The following MICAL2 variants were observed in gnomAD, a reference collection of about 807,000 sequenced individuals.
The protein encoded by MICAL2 is microtubule associated monooxygenase, calponin and LIM domain containing 2.
Under a neutral mutation model 127.3 loss-of-function variants are expected in MICAL2, and 77 were observed. The ratio of observed to expected loss-of-function variants is 0.60; its 90% CI spans 0.50 to 0.73. The LOEUF (loss-of-function observed/expected upper bound fraction) is 0.73. Among genes scored for constraint, MICAL2 ranks in the 30% least tolerant of loss-of-function variants. MICAL2 has a pLI of 0.00. For missense variants in MICAL2, 1,351 were observed against 1,434.4 expected, an observed-to-expected ratio of 0.94 and a Z score of 0.94; for synonymous variants, 570 against 551.1, an observed-to-expected ratio of 1.03 and a Z score of -0.48.
chr11:12,139,764 G>A (rs1852172746), intron 2 of MICAL2, among the ~76,000 whole-genome samples: 1 of 152,366 alleles, frequency 6.6e-6, no homozygotes, highest in South Asian at 2.1e-4. Context: ...CCACAGAGGA[G>A]GGTCAGGCAA....
intron 32 of MICAL2, among the ~76,000 whole-genome samples, chr11:12,342,310 T>C (rs1938879925): frequency 6.6e-6 from 1 of 152,246 alleles, no homozygotes; most frequent in Non-Finnish European, 1.5e-5. Flanking sequence ...GAGATGTGGA[T>C]AAGCAAACCA....
Position 12,268,948 on chromosome 11 carries a change from A to G in MICAL2, c.3335-7038A>G, listed in dbSNP as rs188560015. On this transcript the variant is annotated intron_variant, in intron 24 of 34. Transcript: ENST00000646065. ...CGGGAGGCGGAGCTTGCAGTGAGCCAAGATTGTGCCACTGCACTCCAGCCT... is the reference window on the plus strand; with the variant it reads ...CGGGAGGCGGAGCTTGCAGTGAGCCGAGATTGTGCCACTGCACTCCAGCCT... Among the ~76,000 whole-genome samples the G allele has an allele frequency of 5.3e-3, 810 of 152,234 alleles. 3 individuals are homozygous for G. Among genetic ancestry groups the G allele is most frequent in the African/African-American group, 0.013 (544 of 41,540 alleles).
intron 21 of MICAL2, among the ~76,000 whole-genome samples, chr11:12,244,351 G>A (rs951293288): frequency 6.6e-6 from 1 of 152,182 alleles, no homozygotes; most frequent in Non-Finnish European, 1.5e-5. Context: ...CATTAATCAG[G>A]GCCCACCGTA....
chr11:12,116,351 ATTTTTTTTTTTTTT>A (rs56280931), intron 1 of MICAL2, among the ~76,000 whole-genome samples: 1 of 107,738 alleles, frequency 9.3e-6, no homozygotes, highest in African/African-American at 3.9e-5. Context: ...CTTGATTTTG[ATTTTTTTTTTTTTT>A]TTTTTTTTTT....
intron 29 of MICAL2, among the ~76,000 whole-genome samples, chr11:12,309,880 G>A (rs1297900767): frequency 1.3e-5 from 2 of 152,088 alleles, no homozygotes; most frequent in African/African-American, 4.8e-5. Flanking sequence ...TCTAACTGGG[G>A]TGAGATGATA....
chr11:12,190,298 G>C (rs921819128), intron 3 of MICAL2, among the ~76,000 whole-genome samples: 4 of 152,038 alleles, frequency 2.6e-5, no homozygotes, highest in African/African-American at 9.7e-5. Flanking sequence ...GAAGAATCAG[G>C]GTTTTGGACT....
intron 21 of MICAL2, among the ~76,000 whole-genome samples, chr11:12,247,393 A>G (rs1045936100): frequency 1.3e-5 from 2 of 152,196 alleles, no homozygotes; most frequent in South Asian, 2.1e-4. Flanking sequence ...TAATTGGGCT[A>G]TTTCGACAGC....
chr11:12,124,225 C>T (rs565580970), intron 1 of MICAL2, among the ~76,000 whole-genome samples: 15 of 152,212 alleles, frequency 9.9e-5, no homozygotes, highest in African/African-American at 3.4e-4. Context: ...CCTTCCACAG[C>T]GTCACCCAAG....
chr11:12,260,296 A>G, intron 26 of MICAL2: 2 of 1,425,514 alleles, frequency 1.4e-6, no homozygotes. Context: ...CTCAAAGCCA[A>G]AGAATTTCAC....
At chr11:12,227,571 A>G (rs1371931602) in intron 15 of MICAL2, among the ~76,000 whole-genome samples, 1 of 152,200 alleles carries the variant, frequency 6.6e-6, no homozygotes, top group Non-Finnish European at 1.5e-5. Context: ...TCATTCAACA[A>G]ATATATATTG....
At chr11:12,203,524 C>A (rs1333743440) in intron 3 of MICAL2, among the ~76,000 whole-genome samples, 2 of 152,184 alleles carry the variant, frequency 1.3e-5, no homozygotes, top group Admixed American at 6.6e-5. Flanking sequence ...GGTTGAGCAT[C>A]TTTTCATGTA....
In MICAL2 at chr11:12,258,526, G is replaced by A. The variant is rs1460499875; in HGVS notation, c.3201G>A (p.Lys1067=). The part of the protein sequence containing the change: ...IHCKTNSKQR[K]RRAELKQQRE... The stretch of plus-strand genomic sequence containing the variant: ...GTAAAACCAATAGCAAACAACGGAA[G>A]AGACGGGCAGAGTTGAAGCAACAAA... The change falls in exon 25 of 28, where the codon AAG becomes AAA. Residue 1067 remains lysine, a synonymous_variant. Coordinates refer to ENST00000683283, the MANE Select transcript of MICAL2 (RefSeq NM_001282663.2). The A allele has an allele frequency of 6.2e-7, 1 of 1,613,992 alleles. No homozygotes were observed. Among genetic ancestry groups the A allele is most frequent in the Non-Finnish European group, 8.5e-7 (1 of 1,180,026 alleles).
intron 2 of MICAL2, among the ~76,000 whole-genome samples, chr11:12,157,056 G>T: frequency 6.6e-6 from 1 of 152,256 alleles, no homozygotes; most frequent in East Asian, 1.9e-4. Context: ...TGAGCCTCAA[G>T]GGTGGGTTGA....
chr11:12,314,765 T>C (rs6485650), intron 29 of MICAL2, among the ~76,000 whole-genome samples: 141,055 of 151,824 alleles, frequency 0.93, 65,570 homozygotes, highest in East Asian at 0.95. Context: ...GGATTACAGA[T>C]TTGAGTCACC....
intron 22 of MICAL2, among the ~76,000 whole-genome samples, chr11:12,251,577 TAAAAAAAAAAAAAAAAAA>T (rs536942703): frequency 1.1e-5 from 1 of 93,830 alleles, no homozygotes; most frequent in Non-Finnish European, 2.0e-5. Flanking sequence ...CATTTCACTT[TAAAAAAAAAAAAAAAAAA>T]AAAAAAAAAG....
Position 12,351,591 on chromosome 11 carries a change from G to T in MICAL2, c.5615+1654G>T, listed in dbSNP as rs566132706. Among the ~76,000 whole-genome samples, 6 of 152,288 alleles carry T rather than the reference G, an allele frequency of 3.9e-5. No homozygotes were observed. In the East Asian group the frequency reaches 1.2e-3, roughly 29 times the overall value. ...TGTTTGCTGAAGACTGGCTGAGCCT[G>T]GGAGAGAAAGAGAGGAGTGAGTTGA... On this transcript the variant is annotated intron_variant, in intron 33 of 34. Transcript: ENST00000646065.
chr11:12,323,964 A>C (rs372831645), intron 30 of MICAL2: 1 of 1,591,484 alleles, frequency 6.3e-7, no homozygotes, highest in African/African-American at 1.4e-5. Flanking sequence ...TTTTTTCTCC[A>C]TTGGTTTTCA....
chr11:12,193,084 G>T (rs1051883052), intron 3 of MICAL2, among the ~76,000 whole-genome samples: 4 of 152,172 alleles, frequency 2.6e-5, no homozygotes, highest in Non-Finnish European at 5.9e-5. Context: ...TTTTCCCAGT[G>T]ATGTTCATTC....
At chr11:12,299,512 C>T (rs1287297292) in intron 29 of MICAL2, among the ~76,000 whole-genome samples, 1 of 152,122 alleles carries the variant, frequency 6.6e-6, no homozygotes, top group African/African-American at 2.4e-5. Context: ...TAATGGTGTA[C>T]ATAAACTTAT....
Sources: allele counts gnomAD v4.1 joint callset (sites outside exome capture counted in the v4.1 genomes callset), GRCh38; gene constraint gnomAD v4.1.1; transcripts MANE v1.5; gene names NCBI Gene and HGNC (gene_info 2026-07-23, HGNC 2026-07-21).